The following DISC1 variants were observed in gnomAD, a reference collection of about 807,000 sequenced individuals.
The protein encoded by DISC1 is disrupted in schizophrenia 1 protein.
DISC1 carries 57 observed loss-of-function variants against 84.5 expected under a neutral mutation model. The observed-to-expected ratio is 0.67, with a 90% confidence interval of 0.55 to 0.84. DISC1 has a LOEUF of 0.84. DISC1 is among the 40% of genes least tolerant of loss of function. The pLI, the probability that DISC1 is intolerant of heterozygous loss-of-function variation, is 0.00. For missense variants in DISC1, 1,000 were observed against 1,057.8 expected (o/e 0.95, Z 0.76); for synonymous variants, 411 against 415.2 (o/e 0.99, Z 0.12).
chr1:231,788,520 T>A (rs570964935), intron 6 of DISC1, among the ~76,000 whole-genome samples: 1 of 152,324 alleles, frequency 6.6e-6, no homozygotes, highest in African/African-American at 2.4e-5. Context: ...GCAACAACCC[T>A]ATTTCCAACT....
intron 9 of DISC1, among the ~76,000 whole-genome samples, chr1:231,933,990 G>A (rs200171983): frequency 1.2e-4 from 18 of 152,316 alleles, no homozygotes; most frequent in South Asian, 6.2e-4. Context: ...TGTGAACATA[G>A]GCCTTGAAGA....
At chr1:231,796,425 G>A (rs945567737) in intron 7 of DISC1, among the ~76,000 whole-genome samples, 5 of 146,388 alleles carry the variant, frequency 3.4e-5, no homozygotes, top group African/African-American at 7.4e-5. Context: ...ACTCTCTTCC[G>A]GTCTCTGTGC....
intron 9 of DISC1, among the ~76,000 whole-genome samples, chr1:231,848,369 G>T (rs1201692002): frequency 6.6e-6 from 1 of 152,192 alleles, no homozygotes; most frequent in Non-Finnish European, 1.5e-5. Context: ...GTGAATAAAT[G>T]AGCGAATATT....
At chr1:231,811,460 G>C (rs1425404006) in intron 8 of DISC1, among the ~76,000 whole-genome samples, 1 of 152,226 alleles carries the variant, frequency 6.6e-6, no homozygotes, top group Non-Finnish European at 1.5e-5. Context: ...CTGGTGTCAC[G>C]CAAGACAAAT....
At chr1:231,758,198 T>C (rs1449077847) in intron 4 of DISC1, among the ~76,000 whole-genome samples, 4 of 152,272 alleles carry the variant, frequency 2.6e-5, no homozygotes, top group African/African-American at 9.6e-5. Flanking sequence ...CACTCTAGTT[T>C]CTTGGGAATC....
At chr1:231,759,381 GA>G (rs2075422543) in intron 4 of DISC1, among the ~76,000 whole-genome samples, 1 of 151,920 alleles carries the variant, frequency 6.6e-6, no homozygotes, top group Admixed American at 6.6e-5. Context: ...AGATGGCTAT[GA>G]TACAACATGA....
intron 10 of DISC1, among the ~76,000 whole-genome samples, chr1:231,978,213 T>C (rs2102856673): frequency 6.6e-6 from 1 of 152,314 alleles, no homozygotes; most frequent in Admixed American, 6.5e-5. Context: ...GGGAAGCCAA[T>C]GTCTGTTGTC....
intron 3 of DISC1, among the ~76,000 whole-genome samples, chr1:231,747,524 G>T (rs556069589): frequency 6.6e-6 from 1 of 152,088 alleles, no homozygotes; most frequent in Non-Finnish European, 1.5e-5. Context: ...TCTTTTCCCC[G>T]ATTAGTGTTT....
At chr1:231,869,725 A>G (rs2125947247) in intron 9 of DISC1, among the ~76,000 whole-genome samples, 1 of 152,250 alleles carries the variant, frequency 6.6e-6, no homozygotes, top group South Asian at 2.1e-4. Context: ...TGCCTCAAAC[A>G]CTGCCCATTG....
At position 232,020,311 on chromosome 1, in the gene DISC1, C is replaced by T. The variant is rs185192123; in HGVS notation, c.2308-6124C>T. ...GAGCCGAGATCACGCCATTGCACTC[C>T]AGCCTGGGCAACAAGAGTGAAACTG... On this transcript the variant is annotated intron_variant, in intron 11 of 12. Transcript: ENST00000439617. 2.0e-3 allele frequency among the ~76,000 whole-genome samples: 305 copies of T among 152,250 alleles called. 2 individuals carry two copies. Among genetic ancestry groups the T allele is most frequent in the African/African-American group, 6.7e-3 (280 of 41,536 alleles).
At chr1:231,758,137 C>T (rs1466872041) in intron 4 of DISC1, among the ~76,000 whole-genome samples, 2 of 151,930 alleles carry the variant, frequency 1.3e-5, no homozygotes, top group Admixed American at 6.6e-5. Context: ...TCCATTTGTC[C>T]GTGTGGTGAC....
At chr1:231,965,778 G>A (rs1028437754) in intron 10 of DISC1, among the ~76,000 whole-genome samples, 1 of 152,112 alleles carries the variant, frequency 6.6e-6, no homozygotes, top group African/African-American at 2.4e-5. Context: ...AGCCCTCCCC[G>A]ACCTAGCCCC....
chr1:232,033,476 C>T (rs749802070), intron 12 of DISC1, among the ~76,000 whole-genome samples: 2 of 152,218 alleles, frequency 1.3e-5, no homozygotes, highest in African/African-American at 2.4e-5. Context: ...GACGATGTCA[C>T]CCCTCTGCTC....
chr1:231,668,068 A>G (rs1300999450), intron 1 of DISC1, among the ~76,000 whole-genome samples: 1 of 151,580 alleles, frequency 6.6e-6, no homozygotes, highest in Non-Finnish European at 1.5e-5. Flanking sequence ...AAAAAAAAAA[A>G]GCTGTGCATA....
intron 9 of DISC1, among the ~76,000 whole-genome samples, chr1:231,881,696 G>A (rs978489621): frequency 6.6e-6 from 1 of 152,114 alleles, no homozygotes; most frequent in African/African-American, 2.4e-5. Flanking sequence ...ATGCACTGGG[G>A]CAGGTGACTC....
intron 3 of DISC1, among the ~76,000 whole-genome samples, chr1:231,704,759 C>CAAAAAAAAAAA (rs146300199): frequency 8.2e-5 from 2 of 24,328 alleles, no homozygotes; most frequent in Non-Finnish European, 1.6e-4. Flanking sequence ...GACTCCGTCT[C>CAAAAAAAAAAA]AAAAAAAAAA....
intron 3 of DISC1, among the ~76,000 whole-genome samples, chr1:231,714,618 CAG>C (rs972269057): frequency 6.5e-4 from 97 of 148,196 alleles, no homozygotes; most frequent in South Asian, 2.2e-3. Context: ...GAGAGAGAAA[CAG>C]AGAGAGAGGA....
At position 231,866,843 on chromosome 1, in the gene DISC1, C is replaced by A. The variant is rs12075006; in HGVS notation, c.1981+48326C>A. On this transcript the variant is annotated intron_variant, in intron 9 of 12. Coordinates refer to ENST00000439617, the MANE Select transcript of DISC1 (RefSeq NM_018662.3). ...ACGAGGAAATGTTGTCATTGCGGTTCTCTGAACACAAGAGGGCGCTGTGGC... is the reference window on the plus strand; with the variant it reads ...ACGAGGAAATGTTGTCATTGCGGTTATCTGAACACAAGAGGGCGCTGTGGC... The A allele has an allele frequency of 2.9e-3, 2,200 of 755,770 alleles. 41 individuals carry two copies. The African/African-American group carries it at 0.035, about 12-fold the overall frequency. 46.8% of individuals were successfully genotyped at this position (755,770 alleles called of 1,614,324 possible).
chr1:231,681,721 G>A (rs1005337111), intron 1 of DISC1, among the ~76,000 whole-genome samples: 2 of 151,718 alleles, frequency 1.3e-5, no homozygotes, highest in African/African-American at 4.8e-5. Flanking sequence ...TTTAGAAGGA[G>A]TTTTACTCTT....
Sources: allele counts gnomAD v4.1 joint callset (sites outside exome capture counted in the v4.1 genomes callset), GRCh38; gene constraint gnomAD v4.1.1; transcripts MANE v1.5; gene names NCBI Gene and HGNC (gene_info 2026-07-23, HGNC 2026-07-21).